MPPED2: variants seen among roughly 807,000 people sequenced by gnomAD.
MPPED2 encodes the protein metallophosphoesterase domain containing 2, also known as metallophosphoesterase MPPED2.
A neutral mutation model predicts 33.0 loss-of-function variants in MPPED2; 5 were observed. The ratio of observed to expected loss-of-function variants is 0.15; its 90% CI spans 0.08 to 0.32. The LOEUF (loss-of-function observed/expected upper bound fraction) is 0.32, where lower values mean the gene tolerates loss of function less well. Ranked by LOEUF, MPPED2 falls within the 10% of genes least tolerant of loss-of-function variation. The pLI is 1.00. For synonymous variants in MPPED2, 136 were observed against 141.9 expected (o/e 0.96, Z 0.29); for missense variants, 275 against 372.1 (o/e 0.74, Z 2.15).
intron 4 of MPPED2, among the ~76,000 whole-genome samples, chr11:30,466,544 AG>A (rs1478424910): frequency 6.6e-6 from 1 of 152,184 alleles, no homozygotes; most frequent in African/African-American, 2.4e-5. Flanking sequence ...TAGATGGCAG[AG>A]GTCAATCTGC....
intron 2 of MPPED2, among the ~76,000 whole-genome samples, chr11:30,579,221 A>AT (rs200897977): frequency 1.3e-5 from 2 of 150,798 alleles, no homozygotes; most frequent in South Asian, 2.1e-4. Flanking sequence ...GTGTCCTACT[A>AT]TTTTTTTTTA....
intron 4 of MPPED2, among the ~76,000 whole-genome samples, chr11:30,493,139 T>A (rs2134192806): frequency 6.6e-6 from 1 of 152,196 alleles, no homozygotes; most frequent in South Asian, 2.1e-4. Context: ...TATCTCGCAC[T>A]TTGGGAGGCC....
chr11:30,580,464 A>G lies in MPPED2; in HGVS notation c.-91T>C. Reference sequence around the variant, plus strand: ...GCGTTTCAGCCAACCTCTGAATCCAAGGATCTACTCATCAATACCGCTGTG... The same window carrying G: ...GCGTTTCAGCCAACCTCTGAATCCAGGGATCTACTCATCAATACCGCTGTG... On this transcript the variant is annotated 5_prime_UTR_variant, in exon 2 of 7. Transcript: ENST00000358117. 6.4e-7 allele frequency: 1 copy of G among 1,559,064 alleles called. No homozygotes were observed. Among genetic ancestry groups the G allele is most frequent in the Non-Finnish European group, 8.7e-7 (1 of 1,150,702 alleles).
chr11:30,552,552 A>G (rs1197618740), intron 2 of MPPED2, among the ~76,000 whole-genome samples: 2 of 152,110 alleles, frequency 1.3e-5, no homozygotes, highest in Admixed American at 1.3e-4. Context: ...TCTGCATGCA[A>G]AATGTTATAT....
chr11:30,422,286 T>G (rs556329797), intron 4 of MPPED2, among the ~76,000 whole-genome samples: 42 of 152,306 alleles, frequency 2.8e-4, no homozygotes, highest in African/African-American at 9.9e-4. Flanking sequence ...CCTCCTCCTT[T>G]CCAACCTGCA....
intron 4 of MPPED2, among the ~76,000 whole-genome samples, chr11:30,469,896 C>CT (rs1950876237): frequency 1.3e-5 from 2 of 152,170 alleles, no homozygotes; most frequent in Admixed American, 6.5e-5. Context: ...AAGGAAAGCA[C>CT]TTATGGCTCA....
chr11:30,459,421 T>A (rs945015380), intron 4 of MPPED2, among the ~76,000 whole-genome samples: 2 of 150,408 alleles, frequency 1.3e-5, no homozygotes, highest in South Asian at 2.1e-4. Context: ...AATTTTATAA[T>A]AAGAAAACCC....
chr11:30,474,180 C>T (rs1431128644), intron 4 of MPPED2, among the ~76,000 whole-genome samples: 2 of 152,206 alleles, frequency 1.3e-5, no homozygotes, highest in African/African-American at 2.4e-5. Flanking sequence ...AGGCATTTAC[C>T]ATTCCAGGAT....
intron 4 of MPPED2, among the ~76,000 whole-genome samples, chr11:30,418,217 G>A (rs1397015490): frequency 6.6e-6 from 1 of 152,182 alleles, no homozygotes; most frequent in Non-Finnish European, 1.5e-5. Context: ...AAGGAACACA[G>A]TAAACAGAAA....
intron 4 of MPPED2, among the ~76,000 whole-genome samples, chr11:30,492,550 T>C (rs1224220671): frequency 2.0e-5 from 3 of 152,188 alleles, no homozygotes; most frequent in African/African-American, 4.8e-5. Context: ...AGAACTGGGC[T>C]GTGAAGCTGG....
At chr11:30,420,483 T>C (rs1430662300) in intron 4 of MPPED2, among the ~76,000 whole-genome samples, 2 of 152,248 alleles carry the variant, frequency 1.3e-5, no homozygotes, top group Non-Finnish European at 2.9e-5. Flanking sequence ...GCTACTAAAG[T>C]TGCTGTGACT....
chr11:30,455,576 G>A (rs1247648797), intron 4 of MPPED2, among the ~76,000 whole-genome samples: 1 of 152,122 alleles, frequency 6.6e-6, no homozygotes, highest in East Asian at 1.9e-4. Context: ...ATATCCTTAT[G>A]TTACTCCAGC....
chr11:30,575,229 GTTGGAC>G (rs1364835871), intron 2 of MPPED2, among the ~76,000 whole-genome samples: 1 of 152,058 alleles, frequency 6.6e-6, no homozygotes, highest in Non-Finnish European at 1.5e-5. Context: ...AATAAAACAA[GTTGGAC>G]TTGTCAGGTT....
At chr11:30,573,649 T>G (rs1252247352) in intron 2 of MPPED2, among the ~76,000 whole-genome samples, 1 of 152,176 alleles carries the variant, frequency 6.6e-6, no homozygotes, top group Non-Finnish European at 1.5e-5. Context: ...TGTGTTCATG[T>G]CTTAGTTTTA....
At chr11:30,558,396 CT>C (rs1357618620) in intron 2 of MPPED2, among the ~76,000 whole-genome samples, 4 of 150,206 alleles carry the variant, frequency 2.7e-5, no homozygotes, top group Non-Finnish European at 5.9e-5. Context: ...CTTTCTCTTT[CT>C]TTTGCTTCCT....
intron 4 of MPPED2, among the ~76,000 whole-genome samples, chr11:30,420,733 G>A (rs1470568215): frequency 6.6e-6 from 1 of 152,114 alleles, no homozygotes; most frequent in Admixed American, 6.5e-5. Flanking sequence ...ATAATGCCAG[G>A]TAGACCCTTC....
chr11:30,535,404 AT>A (rs1954757756), intron 3 of MPPED2, among the ~76,000 whole-genome samples: 1 of 152,114 alleles, frequency 6.6e-6, no homozygotes, highest in Admixed American at 6.6e-5. Flanking sequence ...TATCCAGAAA[AT>A]TGCTATTATC....
chr11:30,414,444 C>A, intron 5 of MPPED2, 103 bp from the exon 6 acceptor site: 1 of 744,912 alleles, frequency 1.3e-6, no homozygotes, highest in Non-Finnish European at 2.4e-6. Flanking sequence ...ATTACATTAT[C>A]TGTAATCCTA....
At chr11:30,542,173 CT>C (rs1028876673) in intron 2 of MPPED2, among the ~76,000 whole-genome samples, 1 of 152,176 alleles carries the variant, frequency 6.6e-6, no homozygotes, top group Non-Finnish European at 1.5e-5. Flanking sequence ...TGGCCTTTGC[CT>C]TACTCACTTG....
Sources: gnomAD v4.1 joint callset for allele counts (sites outside exome capture counted in the v4.1 genomes callset) on GRCh38, gnomAD v4.1.1 for gene constraint, MANE v1.5 for transcripts, NCBI Gene and HGNC (gene_info 2026-07-23, HGNC 2026-07-21) for gene names.